The following FAF1 variants were observed in gnomAD, a reference collection of about 807,000 sequenced individuals.
The protein encoded by FAF1 is Fas associated factor 1.
Under a neutral mutation model 92.5 loss-of-function variants are expected in FAF1, and 25 were observed. The observed-to-expected ratio is 0.27, with a 90% CI of 0.20 to 0.38. The LOEUF is 0.38. Among genes scored for constraint, FAF1 ranks in the 10% least tolerant of loss-of-function variants. The probability of loss-of-function intolerance (pLI) is 1.00; values close to 1 mark genes in which losing one functional copy is unlikely to be tolerated. For missense variants in FAF1, 636 were observed against 793.3 expected, an observed-to-expected ratio of 0.80 and a Z score of 2.38; for synonymous variants, 234 against 273.2, an observed-to-expected ratio of 0.86 and a Z score of 1.42.
At chr1:50,910,210 C>T (rs941507115) in intron 1 of FAF1, among the ~76,000 whole-genome samples, 2 of 152,184 alleles carry the variant, frequency 1.3e-5, no homozygotes, top group South Asian at 2.1e-4. Context: ...TATTGCAGAA[C>T]GGCAAATGTT....
At chr1:50,569,267 T>A (rs577257441) in intron 12 of FAF1, among the ~76,000 whole-genome samples, 4 of 152,126 alleles carry the variant, frequency 2.6e-5, no homozygotes, top group African/African-American at 7.2e-5. Flanking sequence ...TATAACTGTT[T>A]ACCAGTTTCC....
At chr1:50,597,366 C>A (rs1363455511) in intron 8 of FAF1, among the ~76,000 whole-genome samples, 1 of 151,284 alleles carries the variant, frequency 6.6e-6, no homozygotes. Flanking sequence ...TTATCTTATT[C>A]AATTCAATTA....
At chr1:50,698,191 A>C (rs1213968740) in intron 7 of FAF1, among the ~76,000 whole-genome samples, 2 of 151,992 alleles carry the variant, frequency 1.3e-5, no homozygotes, top group East Asian at 3.8e-4. Context: ...GGGAGGAATG[A>C]AGAGGTTGGT....
chr1:50,705,789 T>C lies in FAF1; in HGVS notation c.654A>G (p.Gln218=), dbSNP rs143469087. The change falls in exon 7 of 19, where the codon CAA becomes CAG. Residue 218 remains glutamine (Q), a synonymous_variant. Transcript: ENST00000396153. ...NLNFSGSSTI[Q]EVKRNVYDLT... ...TTAGCTGTGAGACATAACTCACCTC[T>C]TGAATAGTACTGCTTCCTGAGAAGT... is the stretch of plus-strand genomic sequence containing the variant. 5.2e-5 allele frequency: 82 copies of C among 1,569,518 alleles called. No individual in the cohort carries two copies. The highest frequency in any genetic ancestry group is 6.8e-5 in the Non-Finnish European group (78 of 1,140,186).
chr1:50,820,224 T>C (rs1448770035), intron 2 of FAF1, among the ~76,000 whole-genome samples: 4 of 152,146 alleles, frequency 2.6e-5, no homozygotes, highest in Non-Finnish European at 5.9e-5. Context: ...TTCACAACAA[T>C]GTGAACATAG....
chr1:50,913,924 T>G (rs1402377788), intron 1 of FAF1, among the ~76,000 whole-genome samples: 4 of 152,200 alleles, frequency 2.6e-5, no homozygotes, highest in Non-Finnish European at 5.9e-5. Context: ...AATTGGTTTT[T>G]CAGGTATCCT....
chr1:50,465,336 A>G (rs747644810), intron 18 of FAF1, among the ~76,000 whole-genome samples: 38 of 152,342 alleles, frequency 2.5e-4, no homozygotes, highest in South Asian at 8.3e-4. Flanking sequence ...TAAGAATTCA[A>G]TTACATGATA....
At chr1:50,458,058 A>G (rs1270145487) in intron 18 of FAF1, among the ~76,000 whole-genome samples, 5 of 151,156 alleles carry the variant, frequency 3.3e-5, no homozygotes, top group Admixed American at 6.6e-5. Flanking sequence ...TACTAAAAAT[A>G]CAAAATTAGC....
At chr1:50,826,723 A>G (rs1644101683) in intron 2 of FAF1, among the ~76,000 whole-genome samples, 1 of 152,234 alleles carries the variant, frequency 6.6e-6, no homozygotes. Context: ...TATGAACTTT[A>G]TGCCAATAAA....
At chr1:50,491,830 G>A in intron 15 of FAF1, 29 bp from the exon 16 acceptor site, 2 of 1,550,008 alleles carry the variant, frequency 1.3e-6, no homozygotes, top group Non-Finnish European at 8.8e-7. Context: ...AATATTTTTT[G>A]ACATATAACT....
At chr1:50,589,259 T>C (rs1023497045) in intron 9 of FAF1, among the ~76,000 whole-genome samples, 2 of 152,128 alleles carry the variant, frequency 1.3e-5, no homozygotes, top group African/African-American at 4.8e-5. Context: ...GTTGTGTCCC[T>C]GGGCCAAAGA....
Position 50,497,540 on chromosome 1 carries a change from C to CTTT in FAF1, c.1495-5742_1495-5740dup, listed in dbSNP as rs61258960. On this transcript the variant is annotated intron_variant, in intron 15 of 18. Coordinates refer to ENST00000396153, the MANE Select transcript of FAF1 (RefSeq NM_007051.3). ...TTAATAGACTTTATTATTCAAAACT[C>CTTT]TTTTTTTTTTTTTTTTTTTTTTTTT... 4.8e-4 allele frequency among the ~76,000 whole-genome samples: 48 copies of CTTT among 100,552 alleles called. 2 individuals carry two copies. Among genetic ancestry groups the CTTT allele is most frequent in the East Asian group, 1.8e-3 (6 of 3,386 alleles). 66.0% of individuals were successfully genotyped at this position (100,552 alleles called of 152,430 possible).
chr1:50,856,015 T>C (rs1570057911), intron 2 of FAF1, among the ~76,000 whole-genome samples: 1 of 151,864 alleles, frequency 6.6e-6, no homozygotes, highest in Non-Finnish European at 1.5e-5. Flanking sequence ...AAAATTCTCC[T>C]TTTACAATAT....
At chr1:50,486,228 T>C (rs1308161832) in intron 17 of FAF1, among the ~76,000 whole-genome samples, 1 of 152,176 alleles carries the variant, frequency 6.6e-6, no homozygotes, top group African/African-American at 2.4e-5. Flanking sequence ...CAGGCAAAAA[T>C]TAACTTTTCT....
intron 6 of FAF1, among the ~76,000 whole-genome samples, chr1:50,706,546 A>C (rs1308131281): frequency 6.6e-6 from 1 of 152,108 alleles, no homozygotes; most frequent in African/African-American, 2.4e-5. Context: ...AAAAATCAAG[A>C]AATGTAAGTC....
intron 1 of FAF1, among the ~76,000 whole-genome samples, chr1:50,873,287 T>C (rs1348749956): frequency 6.6e-6 from 1 of 152,182 alleles, no homozygotes; most frequent in Non-Finnish European, 1.5e-5. Flanking sequence ...TATTCAGATA[T>C]CTACTTTACC....
chr1:50,622,037 G>T (rs1254463408), intron 8 of FAF1, among the ~76,000 whole-genome samples: 1 of 151,906 alleles, frequency 6.6e-6, no homozygotes, highest in Admixed American at 6.6e-5. Flanking sequence ...ATGGTGGCAG[G>T]TGCCTGTAAT....
chr1:50,560,765 T>C (rs1557995569), intron 13 of FAF1, among the ~76,000 whole-genome samples: 1 of 152,232 alleles, frequency 6.6e-6, no homozygotes, highest in Non-Finnish European at 1.5e-5. Flanking sequence ...CCAGCACCTA[T>C]ATTTGCTTTG....
At chr1:50,558,342 T>C (rs1053340769) in intron 13 of FAF1, among the ~76,000 whole-genome samples, 7 of 152,126 alleles carry the variant, frequency 4.6e-5, no homozygotes, top group East Asian at 3.8e-4. Flanking sequence ...TAACCAGCTA[T>C]TGGGAGTAAC....
Sources: allele counts gnomAD v4.1 joint callset (sites outside exome capture counted in the v4.1 genomes callset), GRCh38; gene constraint gnomAD v4.1.1; transcripts MANE v1.5; gene names NCBI Gene and HGNC (gene_info 2026-07-23, HGNC 2026-07-21).